PALLD: variants seen among roughly 807,000 people sequenced by gnomAD.
The protein encoded by PALLD is palladin.
A neutral mutation model predicts 123.5 loss-of-function variants in PALLD; 61 were observed. The observed-to-expected ratio is 0.49, with a 90% CI of 0.40 to 0.61. The LOEUF is 0.61. Among genes scored for constraint, PALLD ranks in the 20% least tolerant of loss-of-function variants. The probability of loss-of-function intolerance (pLI) is 0.00; values close to 1 mark genes in which losing one functional copy is unlikely to be tolerated. For synonymous variants in PALLD, 465 were observed against 496.4 expected, an observed-to-expected ratio of 0.94 and a Z score of 0.84; for missense variants, 1,273 against 1,377.0, an observed-to-expected ratio of 0.92 and a Z score of 1.20.
intron 11 of PALLD, 45 bp downstream of exon 11, chr4:168,891,102 C>T: frequency 2.5e-6 from 4 of 1,595,522 alleles, no homozygotes; most frequent in Non-Finnish European, 3.4e-6. Flanking sequence ...TAGCTACCCA[C>T]ATACCTTTCT....
chr4:168,701,372 A>T, intron 8 of PALLD, among the ~76,000 whole-genome samples: 1 of 152,336 alleles, frequency 6.6e-6, no homozygotes, highest in East Asian at 1.9e-4. Context: ...ACCATGTTAA[A>T]ATTTTTTATT....
chr4:168,520,060 C>T (rs1297929201), intron 2 of PALLD, among the ~76,000 whole-genome samples: 1 of 151,656 alleles, frequency 6.6e-6, no homozygotes, highest in African/African-American at 2.4e-5. Context: ...GGCACGGTGG[C>T]TCATGCCTGT....
At chr4:168,531,576 GC>G (rs903506527) in intron 2 of PALLD, among the ~76,000 whole-genome samples, 4 of 152,136 alleles carry the variant, frequency 2.6e-5, no homozygotes, top group African/African-American at 9.7e-5. Context: ...AAGAAAATTG[GC>G]CTAAGAAACT....
chr4:168,794,966 C>A (rs1738271472), intron 10 of PALLD, among the ~76,000 whole-genome samples: 3 of 152,166 alleles, frequency 2.0e-5, no homozygotes, highest in Non-Finnish European at 2.9e-5. Context: ...AGTCCCAGAT[C>A]TAAGCACCAG....
At chr4:168,824,216 T>G (rs1743109867) in intron 10 of PALLD, among the ~76,000 whole-genome samples, 1 of 152,238 alleles carries the variant, frequency 6.6e-6, no homozygotes, top group African/African-American at 2.4e-5. Context: ...TTCACTTGCA[T>G]TGAAAACTTT....
chr4:168,674,001 A>G (rs2723709), intron 3 of PALLD, among the ~76,000 whole-genome samples: 78,760 of 151,554 alleles, frequency 0.52, 22,249 homozygotes, highest in African/African-American at 0.75. Context: ...TGCAACCTCC[A>G]CCTCCTGGGT....
intron 2 of PALLD, among the ~76,000 whole-genome samples, chr4:168,584,955 G>C (rs758163140): frequency 2.0e-5 from 3 of 152,154 alleles, no homozygotes; most frequent in Non-Finnish European, 4.4e-5. Context: ...ATGTCTAGTA[G>C]AGTTCCCCCC....
At chr4:168,740,001 TATATAAACA>T (rs1788170668) in intron 10 of PALLD, among the ~76,000 whole-genome samples, 1 of 152,186 alleles carries the variant, frequency 6.6e-6, no homozygotes, top group African/African-American at 2.4e-5. Context: ...ACGGGATGCT[TATATAAACA>T]ACAGGCAGCA....
intron 2 of PALLD, among the ~76,000 whole-genome samples, chr4:168,542,717 CATATATATATATATATATATATATAT>C (rs70961531): frequency 0.48 from 42,443 of 89,220 alleles, 9,484 homozygotes; most frequent in East Asian, 0.76. Flanking sequence ...CTAACCTTTC[CATATATATATATATATATATATATAT>C]ATATATATAT....
chr4:168,523,783 C>T (rs1187954071), intron 2 of PALLD, among the ~76,000 whole-genome samples: 5 of 152,142 alleles, frequency 3.3e-5, no homozygotes, highest in South Asian at 2.1e-4. Flanking sequence ...TGTAGAATTA[C>T]ACATAGTACT....
chr4:168,503,248 G>GT (rs1761616196), intron 1 of PALLD, among the ~76,000 whole-genome samples: 2 of 152,200 alleles, frequency 1.3e-5, no homozygotes, highest in African/African-American at 2.4e-5. Flanking sequence ...GCAATGCAAA[G>GT]TAACATGCTT....
chr4:168,604,752 T>G (rs965831900), intron 2 of PALLD, among the ~76,000 whole-genome samples: 2 of 152,176 alleles, frequency 1.3e-5, no homozygotes, highest in Non-Finnish European at 2.9e-5. Flanking sequence ...ATGCCACTGG[T>G]GGTGACTCAT....
chr4:168,852,186 T>A (rs568165948), intron 10 of PALLD, among the ~76,000 whole-genome samples: 1 of 152,232 alleles, frequency 6.6e-6, no homozygotes, highest in South Asian at 2.1e-4. Flanking sequence ...GCTCAATATA[T>A]TAAACTAGAT....
At position 168,539,612 on chromosome 4, in the gene PALLD, T is replaced by G. The variant is rs575060256; in HGVS notation, c.908+27200T>G. ...ATAAATAAATAAATAAATAAATAAA[T>G]AAAGATGCTTTGGAAAACCTAAAGG... On this transcript the variant is annotated intron_variant, in intron 2 of 21. Transcript: ENST00000505667. Among the ~76,000 whole-genome samples, 19 of 122,144 alleles carry G rather than the reference T, an allele frequency of 1.6e-4. No homozygotes were observed. In the South Asian group the frequency reaches 1.6e-3, roughly 10 times the overall value. The allele number at this position is 122,144 out of a possible 152,430, so 80.1% of individuals were successfully genotyped here.
At chr4:168,872,246 T>C (rs1020863897) in intron 10 of PALLD, among the ~76,000 whole-genome samples, 1 of 152,240 alleles carries the variant, frequency 6.6e-6, no homozygotes, top group Non-Finnish European at 1.5e-5. Context: ...CTACTGTTTT[T>C]CTGTGGCAGA....
chr4:168,775,662 TTTATG>T (rs1735082149), intron 10 of PALLD, among the ~76,000 whole-genome samples: 1 of 152,216 alleles, frequency 6.6e-6, no homozygotes, highest in African/African-American at 2.4e-5. Flanking sequence ...CATATTATAG[TTTATG>T]TTATATGTTT....
chr4:168,576,404 G>A (rs1769596578), intron 2 of PALLD, among the ~76,000 whole-genome samples: 1 of 151,620 alleles, frequency 6.6e-6, no homozygotes, highest in Non-Finnish European at 1.5e-5. Flanking sequence ...CCCCACAACA[G>A]GCCCTGGTGT....
intron 14 of PALLD, among the ~76,000 whole-genome samples, chr4:168,899,011 T>A (rs1755866015): frequency 6.6e-6 from 1 of 152,138 alleles, no homozygotes; most frequent in African/African-American, 2.4e-5. Flanking sequence ...ATAACTAAAC[T>A]GAGTTCTGTG....
intron 10 of PALLD, among the ~76,000 whole-genome samples, chr4:168,821,317 A>C (rs923595666): frequency 6.6e-6 from 1 of 152,214 alleles, no homozygotes; most frequent in Non-Finnish European, 1.5e-5. Context: ...GGAAATCCTA[A>C]GTCCTCTGCA....
Sources: allele counts gnomAD v4.1 joint callset (sites outside exome capture counted in the v4.1 genomes callset), GRCh38; gene constraint gnomAD v4.1.1; transcripts MANE v1.5; gene names NCBI Gene and HGNC (gene_info 2026-07-23, HGNC 2026-07-21).